TRAF2: variants seen among roughly 807,000 people sequenced by gnomAD.
TRAF2 encodes TNF receptor-associated factor 2.
A neutral mutation model predicts 55.6 loss-of-function variants in TRAF2; 6 were observed. That is an observed-to-expected ratio of 0.11 (90% CI 0.06 to 0.21). TRAF2 has a LOEUF of 0.21. Among genes scored for constraint, TRAF2 ranks in the 10% least tolerant of loss-of-function variants. The pLI is 1.00. For synonymous variants in TRAF2, 329 were observed against 276.3 expected (o/e 1.19, Z -1.89); for missense variants, 561 against 684.5 (o/e 0.82, Z 2.01).
At chr9:136,910,183 A>G (rs957285531) in intron 6 of TRAF2, 189 bp downstream of exon 6, 19 of 637,152 alleles carry the variant, frequency 3.0e-5, no homozygotes, top group African/African-American at 2.0e-4. Flanking sequence ...GCCGGGGGCC[A>G]GGTGGCTGAG....
intron 1 of TRAF2, among the ~76,000 whole-genome samples, chr9:136,889,915 C>G (rs991748841): frequency 2.0e-5 from 3 of 152,108 alleles, no homozygotes; most frequent in Non-Finnish European, 2.9e-5. Context: ...TAATCACCCC[C>G]GCATGCTTGT....
rs200834553 is a variant in TRAF2, at chr9:136,899,671, C to T, written c.266C>T (p.Ser89Leu). The change falls in exon 3 of 11, where the codon TCG becomes TTG. Residue 89 changes from serine (S) to leucine (L), a missense_variant and splice_region_variant. Ser to Leu is a moderately radical substitution (Grantham distance 145). Coordinates refer to ENST00000247668, the MANE Select transcript of TRAF2 (RefSeq NM_021138.4). ...EEGISILESS[S>L]AFPDNAARRE... is the part of the protein sequence containing the mutation. The stretch of plus-strand genomic sequence containing the variant: ...GGCATTTCTATTTTAGAAAGCAGTT[C>T]GGTAAGTAAAATGTCTTGAAGCTAA... The T allele has an allele frequency of 8.3e-5, 134 of 1,611,370 alleles. No homozygotes were observed. In the Middle Eastern group the frequency reaches 2.8e-3, roughly 34 times the overall value.
At chr9:136,925,632 A>T (rs1296568655) in intron 10 of TRAF2, 51 bp from the exon 11 acceptor site, 1 of 1,586,980 alleles carries the variant, frequency 6.3e-7, no homozygotes, top group Middle Eastern at 1.7e-4. Flanking sequence ...CGGGAGCCAG[A>T]GAGAGACGGC....
intron 6 of TRAF2, among the ~76,000 whole-genome samples, chr9:136,914,444 T>A (rs530209870): frequency 4.3e-4 from 65 of 152,352 alleles, no homozygotes; most frequent in Admixed American, 1.6e-3. Context: ...CTGCTGTGGC[T>A]CAAGATGGGG....
intron 9 of TRAF2, among the ~76,000 whole-genome samples, chr9:136,921,705 T>G (rs529844589): frequency 6.6e-6 from 1 of 151,450 alleles, no homozygotes; most frequent in Admixed American, 6.6e-5. Context: ...CCTTTTTTTT[T>G]TTTAAACCCC....
chr9:136,896,269 G>C (rs1043298849), intron 1 of TRAF2, among the ~76,000 whole-genome samples: 1 of 152,242 alleles, frequency 6.6e-6, no homozygotes, highest in African/African-American at 2.4e-5. Flanking sequence ...CTTTTGGAAG[G>C]AGGAGCATGG....
At chr9:136,909,237 G>GAGCTAGTCGCTAA (rs1245925344) in intron 5 of TRAF2, among the ~76,000 whole-genome samples, 1 of 10,730 alleles carries the variant, frequency 9.3e-5, no homozygotes, top group Non-Finnish European at 1.8e-4. Flanking sequence ...GGTGAGAATA[G>GAGCTAGTCGCTAA]CGCCATGTCT....
At chr9:136,922,425 G>C (rs1325779429) in intron 9 of TRAF2, 1 of 152,506 alleles carries the variant, frequency 6.6e-6, no homozygotes, top group African/African-American at 2.4e-5. Flanking sequence ...TCTGCACTAA[G>C]CGTTGGGTGA....
chr9:136,918,255 A>ATATATATT (rs1402432355), intron 7 of TRAF2, among the ~76,000 whole-genome samples: 10 of 23,350 alleles, frequency 4.3e-4, no homozygotes, highest in African/African-American at 1.0e-3. Flanking sequence ...ATATATATAT[A>ATATATATT]TATTTATTTA....
chr9:136,918,227 T>TTATTTATATATA (rs1850286684), intron 7 of TRAF2, among the ~76,000 whole-genome samples: 1 of 68,080 alleles, frequency 1.5e-5, no homozygotes, highest in African/African-American at 8.0e-5. Flanking sequence ...AGTGTTTTGT[T>TTATTTATATATA]TATATATATA....
At position 136,923,950 on chromosome 9, in the gene TRAF2, G is replaced by T; in HGVS notation, c.1237G>T (p.Val413Leu). The change falls in exon 10 of 11, where the codon GTG (valine) becomes TTG (leucine). Residue 413 changes from valine to leucine, a missense_variant. By Grantham distance (32) the Val-to-Leu change is conservative. Around this residue, in one of 2 missense-constraint regions of TRAF2, gnomAD observed 135 missense variants for 207.7 expected, o/e 0.65. Coordinates refer to ENST00000247668, the MANE Select transcript of TRAF2 (RefSeq NM_021138.4). The stretch of plus-strand genomic sequence containing the variant: ...AACACACCTGTCCCTCTTCTTTGTG[G>T]TGATGAAGGGCCCGAATGACGCCCT... ...RGTHLSLFFV[V>L]MKGPNDALLR... The T allele has an allele frequency of 6.2e-7, 1 of 1,614,034 alleles. No homozygotes were observed.
At chr9:136,904,082 C>T (rs1056491417) in intron 4 of TRAF2, among the ~76,000 whole-genome samples, 8 of 152,350 alleles carry the variant, frequency 5.3e-5, no homozygotes, top group East Asian at 1.9e-4. Context: ...CATGCTGCCC[C>T]GCAGCACCTG....
intron 2 of TRAF2, 26 bp from the exon 3 acceptor site, chr9:136,899,565 GGTT>G (rs770384786): frequency 7.5e-6 from 12 of 1,597,444 alleles, no homozygotes; most frequent in Admixed American, 1.7e-5. Context: ...TTTCACAGTG[GGTT>G]GTTTTTTGCC....
intron 10 of TRAF2, among the ~76,000 whole-genome samples, chr9:136,925,473 G>A (rs1850506698): frequency 6.6e-6 from 1 of 152,232 alleles, no homozygotes; most frequent in Non-Finnish European, 1.5e-5. Context: ...CCAGAGAGAA[G>A]CGGAATGCCG....
chr9:136,920,111 C>T (rs1475643325), intron 7 of TRAF2, 123 bp from the exon 8 acceptor site: 4 of 1,241,840 alleles, frequency 3.2e-6, no homozygotes, highest in East Asian at 2.6e-5. Context: ...GCCACCCAGG[C>T]ATCCCTATCT....
At chr9:136,888,242 T>C (rs1387114687) in intron 1 of TRAF2, among the ~76,000 whole-genome samples, 1 of 152,192 alleles carries the variant, frequency 6.6e-6, no homozygotes, top group East Asian at 1.9e-4. Context: ...TGCAGATCAG[T>C]GTTCCTGAAT....
chr9:136,887,093 C>T (rs899029771), intron 1 of TRAF2, among the ~76,000 whole-genome samples: 1 of 152,182 alleles, frequency 6.6e-6, no homozygotes, highest in South Asian at 2.1e-4. Context: ...TGCCTTCCTG[C>T]CCAGTGGCTG....
chr9:136,902,227 A>T (rs568875858), intron 4 of TRAF2: 1 of 152,386 alleles, frequency 6.6e-6, no homozygotes, highest in African/African-American at 2.4e-5. Context: ...CTTGAAAGAG[A>T]TGCAGCTTGG....
Position 136,925,831 on chromosome 9 carries a change from A to T in TRAF2, c.1436A>T (p.Glu479Val). 1.2e-6 allele frequency: 2 copies of T among 1,614,222 alleles called. No individual in the cohort carries two copies. The highest frequency in any genetic ancestry group is 1.7e-6 in the Non-Finnish European group (2 of 1,180,048). Residue 479 changes from glutamate to valine, a missense_variant, in exon 11 of 11, where the codon GAG (glutamate) becomes GTG (valine). Physicochemically the swap from Glu to Val is moderately radical, Grantham distance 121. Around this residue, in one of 2 missense-constraint regions of TRAF2, gnomAD observed 135 missense variants for 207.7 expected, o/e 0.65. Coordinates refer to ENST00000247668, the MANE Select transcript of TRAF2 (RefSeq NM_021138.4). ...CTCTTCTGCCCCGTCTCCAAGATGGAGGCAAAGAATTCCTACGTGCGGGAC... is the reference window on the plus strand; with the variant it reads ...CTCTTCTGCCCCGTCTCCAAGATGGTGGCAAAGAATTCCTACGTGCGGGAC... ...CPLFCPVSKM[E>V]AKNSYVRDDA...
Sources: allele counts gnomAD v4.1 joint callset (sites outside exome capture counted in the v4.1 genomes callset), GRCh38; gene constraint gnomAD v4.1.1; regional missense constraint gnomAD v4.1.1; transcripts MANE v1.5; gene names NCBI Gene and HGNC (gene_info 2026-07-23, HGNC 2026-07-21).